Variants in TNK1 observed in about 807,000 individuals in gnomAD.
TNK1 encodes the protein non-receptor tyrosine-protein kinase TNK1.
Under a neutral mutation model 65.2 loss-of-function variants are expected in TNK1, and 53 were observed. That is an observed-to-expected ratio of 0.81 (90% CI 0.65 to 1.02). The LOEUF (loss-of-function observed/expected upper bound fraction) is 1.02. Among genes scored for constraint, TNK1 ranks in the 50% least tolerant of loss-of-function variants. The pLI, the probability that TNK1 is intolerant of heterozygous loss-of-function variation, is 0.00. For synonymous variants in TNK1, 353 were observed against 364.6 expected, an observed-to-expected ratio of 0.97 and a Z score of 0.36; for missense variants, 837 against 878.4, an observed-to-expected ratio of 0.95 and a Z score of 0.60.
At chr17:7,386,782 T>C in intron 8 of TNK1, 127 bp downstream of exon 8, 1 of 1,094,352 alleles carries the variant, frequency 9.1e-7, no homozygotes, top group South Asian at 1.5e-5. Context: ...CTCTCCCCAC[T>C]GGGTCCTGAA....
rs572577284 is a variant in TNK1, at chr17:7,382,334, C to T, written c.-91-502C>T. Among the ~76,000 whole-genome samples, 4 of 151,254 alleles carry T rather than the reference C, an allele frequency of 2.6e-5. No individual in the cohort carries two copies. The highest frequency in any genetic ancestry group is 9.7e-5 in the African/African-American group (4 of 41,176). ...TGTTTTGCAGTATATCTGTAGGTCTCAGTGTGTGTGTGTGGCAGCATGTGG... is the reference window on the plus strand; with the variant it reads ...TGTTTTGCAGTATATCTGTAGGTCTTAGTGTGTGTGTGTGGCAGCATGTGG... On this transcript the variant is annotated intron_variant, in intron 1 of 12. Transcript: ENST00000688331. The surrounding 1 kb of genome is among the most constrained non-coding windows in gnomAD (Gnocchi z 4.1).
chr17:7,385,057 G>A (rs1905103243), intron 7 of TNK1, among the ~76,000 whole-genome samples: 1 of 152,106 alleles, frequency 6.6e-6, no homozygotes. Context: ...AGCGTGGGAG[G>A]GGAAAATAGA....
chr17:7,383,643 C>T (rs1345797239), intron 4 of TNK1, 27 bp downstream of exon 4: 3 of 1,595,644 alleles, frequency 1.9e-6, no homozygotes, highest in Admixed American at 3.4e-5. Flanking sequence ...CCCGCTTCAT[C>T]CAGGCCAGCT....
chr17:7,383,724 A>AT lies in TNK1; in HGVS notation c.442_443insT (p.Lys148IlefsTer116), dbSNP rs755643737. ...CCACCTCCAGGTCCCAGTGGCTGTC[A>AT]AGTCCCTCCGGGTAGGTCCCGAAGG... On this transcript the variant is annotated frameshift_variant, in exon 5 of 13. Coordinates refer to ENST00000688331, the MANE Select transcript of TNK1 (RefSeq NM_003985.6). LOFTEE classifies it high-confidence loss of function. The AT allele has an allele frequency of 5.6e-6, 9 of 1,612,096 alleles. 1 individual carries two copies. In the East Asian group the frequency reaches 2.0e-4, roughly 36 times the overall value.
At position 7,382,732 on chromosome 17, in the gene TNK1, A is replaced by G; in HGVS notation, c.-91-104A>G. The G allele has an allele frequency of 1.6e-6, 1 of 625,534 alleles. No homozygotes were observed. Among genetic ancestry groups the G allele is most frequent in the Non-Finnish European group, 2.7e-6 (1 of 366,136 alleles). 38.7% of individuals were successfully genotyped at this position (625,534 alleles called of 1,614,324 possible). On this transcript the variant is annotated intron_variant, in intron 1 of 12. Coordinates refer to ENST00000688331, the MANE Select transcript of TNK1 (RefSeq NM_003985.6). The surrounding 1 kb of genome is among the most constrained non-coding windows in gnomAD (Gnocchi z 4.1). ...GGACAGAGTACCCGGATGCCTGGGC[A>G]CGGGGAACATTCTATCTGGGATTTG...
At chr17:7,383,149 C>A in intron 2 of TNK1, 60 bp downstream of exon 2, 3 of 1,611,704 alleles carry the variant, frequency 1.9e-6, no homozygotes, top group Admixed American at 3.3e-5. Context: ...AGTTGCCTTC[C>A]CCCACCACAA....
At position 7,388,108 on chromosome 17, in the gene TNK1, A is replaced by G. The variant is rs1441380747; in HGVS notation, c.1478-298A>G. On this transcript the variant is annotated intron_variant, in intron 10 of 12. Transcript: ENST00000688331. The surrounding 1 kb of genome is among the most constrained non-coding windows in gnomAD (Gnocchi z 4.5). The stretch of plus-strand genomic sequence containing the variant: ...TAGCTCATCTGCAAATGCTTGCAAA[A>G]CCATCCAGCTCAGCACAGATGAAGA... Among the ~76,000 whole-genome samples, 1 of 151,946 alleles carries G rather than the reference A, an allele frequency of 6.6e-6. No homozygotes were observed. Among genetic ancestry groups the G allele is most frequent in the Non-Finnish European group, 1.5e-5 (1 of 67,978 alleles).
At position 7,388,176 on chromosome 17, in the gene TNK1, A is replaced by G. The variant is rs1905299254; in HGVS notation, c.1478-230A>G. Among the ~76,000 whole-genome samples, 1 of 152,314 alleles carries G rather than the reference A, an allele frequency of 6.6e-6. No individual in the cohort carries two copies. Among genetic ancestry groups the G allele is most frequent in the South Asian group, 2.1e-4 (1 of 4,832 alleles). ...CATGGTGGCTCAAGCCTGTAATCCCAGCACTTTGGGAGCCCAGCGTGGGTG... is the reference window on the plus strand; with the variant it reads ...CATGGTGGCTCAAGCCTGTAATCCCGGCACTTTGGGAGCCCAGCGTGGGTG... On this transcript the variant is annotated intron_variant, in intron 10 of 12. Coordinates refer to ENST00000688331, the MANE Select transcript of TNK1 (RefSeq NM_003985.6). This position sits in a 1 kb window ranked among gnomAD's most constrained non-coding sequence, Gnocchi z 4.5.
chr17:7,384,120 G>A lies in TNK1; in HGVS notation c.733G>A (p.Asp245Asn). The A allele has an allele frequency of 1.3e-6, 2 of 1,548,574 alleles. No individual in the cohort carries two copies. Among genetic ancestry groups the A allele is most frequent in the Non-Finnish European group, 1.7e-6 (2 of 1,154,896 alleles). The change falls in exon 6 of 13, where the codon GAC becomes AAC. Residue 245 changes from aspartate to asparagine, a missense_variant. Asp to Asn is a conservative substitution (Grantham distance 23, BLOSUM62 1). Coordinates refer to ENST00000688331, the MANE Select transcript of TNK1 (RefSeq NM_003985.6). ...GGGGGCCCGCGGGCTGGTGCACCGA[G>A]ACCTCGCTACGCGCAACCTACTGCT... is the stretch of plus-strand genomic sequence containing the variant. ...YLGARGLVHR[D>N]LATRNLLLAS...
Position 7,382,191 on chromosome 17 carries a change from G to A in TNK1, c.-91-645G>A, listed in dbSNP as rs545064990. ...TGAGGCAGAAGAATTGCTTGAACCC[G>A]GGAGGCGGAGGTTGCAGCGAGCTGA... On this transcript the variant is annotated intron_variant, in intron 1 of 12. Transcript: ENST00000688331. The surrounding 1 kb of genome is among the most constrained non-coding windows in gnomAD (Gnocchi z 4.1). Among the ~76,000 whole-genome samples the A allele has an allele frequency of 7.2e-5, 11 of 152,004 alleles. No homozygotes were observed. The highest frequency in any genetic ancestry group is 2.1e-4 in the South Asian group (1 of 4,816).
At position 7,382,947 on chromosome 17, in the gene TNK1, C is replaced by T. The variant is rs1554947; in HGVS notation, c.21C>T (p.Ser7=). The change falls in exon 2 of 13, where the codon TCC becomes TCT. Residue 7 remains serine, a synonymous_variant. Transcript: ENST00000688331. The surrounding 1 kb of genome is among the most constrained non-coding windows in gnomAD (Gnocchi z 4.1). The part of the protein sequence containing the change: MLPEAG[S]LWLLKLLRDI... ...CAGACATGCTTCCTGAGGCTGGCTC[C>T]CTGTGGCTACTGAAGCTGCTCCGGG... 612,313 of 1,613,730 alleles carry T rather than the reference C, an allele frequency of 0.38. 122,219 individuals carry two copies. The highest frequency in any genetic ancestry group is 0.52 in the East Asian group (23,152 of 44,866).
chr17:7,383,632 G>A lies in TNK1; in HGVS notation c.426+16G>A. The A allele has an allele frequency of 6.3e-7, 1 of 1,594,760 alleles. No homozygotes were observed. On this transcript the variant is annotated intron_variant, in intron 4 of 12. Transcript: ENST00000688331. ...TGGCAAGAGTGTGAGTGTCCAGGGAGCCCGCTTCATCCAGGCCAGCTGCCC... is the reference window on the plus strand; with the variant it reads ...TGGCAAGAGTGTGAGTGTCCAGGGAACCCGCTTCATCCAGGCCAGCTGCCC...
At chr17:7,381,266 C>T (rs977592281) in intron 1 of TNK1, among the ~76,000 whole-genome samples, 152 bp downstream of exon 1, 2 of 152,148 alleles carry the variant, frequency 1.3e-5, no homozygotes, top group African/African-American at 4.8e-5. Flanking sequence ...CTTCTGCGCT[C>T]CCCGCTTCCC....
Position 7,383,844 on chromosome 17 carries a change from C to T in TNK1, c.562C>T (p.Leu188=), listed in dbSNP as rs746759851. 6.2e-7 allele frequency: 1 copy of T among 1,610,120 alleles called. No individual in the cohort carries two copies. The highest frequency in any genetic ancestry group is 2.2e-5 in the East Asian group (1 of 44,670). Residue 188 remains leucine, a synonymous_variant, in exon 5 of 13, where the codon CTG becomes TTG. Coordinates refer to ENST00000688331, the MANE Select transcript of TNK1 (RefSeq NM_003985.6). ...CGTGCTGCGTCTGCACGGCCTTGTACTGGGCCAGCCTCTGCAGATGGTGAG... is the reference window on the plus strand; with the variant it reads ...CGTGCTGCGTCTGCACGGCCTTGTATTGGGCCAGCCTCTGCAGATGGTGAG... ...PHVLRLHGLV[L]GQPLQMVMEL...
In TNK1 at chr17:7,387,458, G is replaced by A. The variant is rs777104604; in HGVS notation, c.1477+1G>A. 3.2e-6 allele frequency: 5 copies of A among 1,565,540 alleles called. No homozygotes were observed. The Admixed American group carries it at 7.6e-5, about 24-fold the overall frequency. On this transcript the variant is annotated splice_donor_variant, in intron 10 of 12. Coordinates refer to ENST00000688331, the MANE Select transcript of TNK1 (RefSeq NM_003985.6). LOFTEE classifies it high-confidence loss of function. ...AACATGCCCCTGGAGAGGATGAAAG[G>A]TGGGTGTGGTGGACTCCAGAGTCTC...
chr17:7,385,364 C>CAAA lies in TNK1; in HGVS notation c.1137+622_1137+624dup, dbSNP rs527619972. On this transcript the variant is annotated intron_variant, in intron 7 of 12. Transcript: ENST00000688331. Reference sequence around the variant, plus strand: ...TGGGCAAAAAGAGCGAACTCCGTCTCAAAAAAAAAAAAAAGAAGAAGAAGA... The same window carrying CAAA: ...TGGGCAAAAAGAGCGAACTCCGTCTCAAAAAAAAAAAAAAAAAGAAGAAGAAGA... 5.4e-5 allele frequency among the ~76,000 whole-genome samples: 7 copies of CAAA among 130,680 alleles called. 2 individuals carry two copies. Among genetic ancestry groups the CAAA allele is most frequent in the Non-Finnish European group, 1.1e-4 (7 of 62,478 alleles). 85.7% of individuals were successfully genotyped at this position (130,680 alleles called of 152,430 possible).
Position 7,387,437 on chromosome 17 carries a change from T to C in TNK1, c.1457T>C (p.Met486Thr). Residue 486 changes from methionine (M) to threonine (T), a missense_variant, in exon 10 of 13, where the codon ATG (methionine) becomes ACG (threonine). Met to Thr is a moderately conservative substitution (Grantham distance 81). Transcript: ENST00000688331. The part of the protein sequence containing the change: ...APPARGQRRN[M>T]PLERMKGISR... ...CCAGCACGGGGCCAGAGGAGGAACATGCCCCTGGAGAGGATGAAAGGTGGG... is the reference window on the plus strand; with the variant it reads ...CCAGCACGGGGCCAGAGGAGGAACACGCCCCTGGAGAGGATGAAAGGTGGG... The C allele has an allele frequency of 6.3e-7, 1 of 1,598,576 alleles. No individual in the cohort carries two copies. Among genetic ancestry groups the C allele is most frequent in the Non-Finnish European group, 8.5e-7 (1 of 1,173,222 alleles).
chr17:7,385,320 A>T (rs1237976199), intron 7 of TNK1, among the ~76,000 whole-genome samples: 1 of 149,862 alleles, frequency 6.7e-6, no homozygotes, highest in Non-Finnish European at 1.5e-5. Flanking sequence ...AGCCGAGATC[A>T]CACCATCGCA....
chr17:7,383,940 G>A (rs1416163649), intron 5 of TNK1, 30 bp from the exon 6 acceptor site: 27 of 1,530,102 alleles, frequency 1.8e-5, no homozygotes, highest in Non-Finnish European at 2.3e-5. Flanking sequence ...AATGGGTCCG[G>A]CTCACGCGGC....
Sources: gnomAD v4.1 joint callset for allele counts (sites outside exome capture counted in the v4.1 genomes callset) on GRCh38, gnomAD v4.1.1 for gene constraint, Gnocchi (gnomAD v3.1) non-coding constraint, MANE v1.5 for transcripts, NCBI Gene and HGNC (gene_info 2026-07-23, HGNC 2026-07-21) for gene names.